The following ZNF675 variants were observed in gnomAD, a reference collection of about 807,000 sequenced individuals.
The protein encoded by ZNF675 is zinc finger protein 675, also known as TRAF6 inhibitory zinc finger.
A neutral mutation model predicts 56.1 loss-of-function variants in ZNF675; 36 were observed. The ratio of observed to expected loss-of-function variants is 0.64; its 90% CI spans 0.49 to 0.85. ZNF675 has a LOEUF of 0.85. ZNF675 is among the 40% of genes least tolerant of loss of function. The pLI is 0.00. For missense variants in ZNF675, 663 were observed against 654.2 expected (o/e 1.01, Z -0.15); for synonymous variants, 200 against 218.9 (o/e 0.91, Z 0.76).
intron 1 of ZNF675, among the ~76,000 whole-genome samples, chr19:23,664,523 T>C (rs1243228473): frequency 6.6e-6 from 1 of 152,198 alleles, no homozygotes; most frequent in Non-Finnish European, 1.5e-5. Context: ...GGACCACACT[T>C]TCCTGTCACT....
At chr19:23,671,874 T>C (rs1304405820) in intron 1 of ZNF675, among the ~76,000 whole-genome samples, 1 of 152,138 alleles carries the variant, frequency 6.6e-6, no homozygotes, top group African/African-American at 2.4e-5. Flanking sequence ...AACTCTCATC[T>C]GAGTACCAAC....
Position 23,687,141 on chromosome 19 carries a change from G to A in ZNF675, c.-108C>T, listed in dbSNP as rs1207321559. On this transcript the variant is annotated 5_prime_UTR_variant, in exon 1 of 4. Transcript: ENST00000359788. ...CTAGGAGCAGAGGACACAGAGCAAT[G>A]AAAGCGAGACCTGGAGCTCCGGCTG... 13 of 1,349,008 alleles carry A rather than the reference G, an allele frequency of 9.6e-6. 1 individual carries two copies. The highest frequency in any genetic ancestry group is 1.4e-5 in the Non-Finnish European group (13 of 953,208). 83.6% of individuals were successfully genotyped at this position (1,349,008 alleles called of 1,614,324 possible). A position where few individuals can be genotyped will look rare whatever the true frequency, so the allele number is the denominator to read the frequency against.
At chr19:23,685,955 G>GGTT (rs566240940) in intron 1 of ZNF675, among the ~76,000 whole-genome samples, 1 of 152,056 alleles carries the variant, frequency 6.6e-6, no homozygotes, top group South Asian at 2.1e-4. Flanking sequence ...ATTAGACGGA[G>GGTT]GTTACTCTAG....
intron 1 of ZNF675, among the ~76,000 whole-genome samples, chr19:23,667,474 T>C (rs1323332079): frequency 3.3e-5 from 5 of 152,176 alleles, no homozygotes; most frequent in Non-Finnish European, 5.9e-5. Context: ...AGGGCGCTGA[T>C]TGGTGCCTTT....
chr19:23,662,975 T>C (rs1307741014), intron 2 of ZNF675, 57 bp downstream of exon 2: 2 of 1,437,288 alleles, frequency 1.4e-6, no homozygotes, highest in Non-Finnish European at 1.8e-6. Flanking sequence ...AGAGCCAGAC[T>C]CCGTCTCAAA....
chr19:23,654,448 T>A lies in ZNF675; in HGVS notation c.485A>T (p.His162Leu). ...TTTATTTTCCATATGTTTTATCTTA[T>A]GTCTATCTGAATGTGAAAATTTATT... ...VFNKFSHSDR[H>L]KIKHMENKPF... The change falls in exon 4 of 4, where the codon CAT becomes CTT. Residue 162 changes from histidine to leucine, a missense_variant. His to Leu is a moderately conservative substitution (Grantham distance 99). This residue lies in a region of ZNF675 where 617 missense variants were observed against 590.5 expected (regional missense o/e 1.04). Transcript: ENST00000359788. 6.2e-7 allele frequency: 1 copy of A among 1,605,832 alleles called. No homozygotes were observed. The highest frequency in any genetic ancestry group is 1.7e-5 in the Admixed American group (1 of 57,862).
rs34823777 is a variant in ZNF675, at chr19:23,675,982, C to CA, written c.3+11048dup. ...AGATTAATGAAAAAAAGAGAAGATC[C>CA]AAAAAAAAAAAAAACACAATTAGTA... On this transcript the variant is annotated intron_variant, in intron 1 of 3. Transcript: ENST00000359788. Among the ~76,000 whole-genome samples, 186 of 134,724 alleles carry CA rather than the reference C, an allele frequency of 1.4e-3. 4 individuals are homozygous for CA. In the South Asian group the frequency reaches 0.022, roughly 16 times the overall value. 88.4% of individuals were successfully genotyped at this position (134,724 alleles called of 152,430 possible). A position where few individuals can be genotyped will look rare whatever the true frequency, so the allele number is the denominator to read the frequency against.
intron 1 of ZNF675, among the ~76,000 whole-genome samples, chr19:23,682,058 C>T (rs1441083815): frequency 6.6e-6 from 1 of 151,742 alleles, no homozygotes; most frequent in Non-Finnish European, 1.5e-5. Context: ...CAGACATAGA[C>T]TCTGCATATT....
At position 23,652,942 on chromosome 19, in the gene ZNF675, TGATATTAAGATGTCAACA is replaced by T; in HGVS notation, c.*266_*283del. The stretch of plus-strand genomic sequence containing the variant: ...ATGCTTTTATTAAGTACCAACATTC[TGATATTAAGATGTCAACA>T]GATATTAATGGCTATTTTACACTCT... On this transcript the variant is annotated 3_prime_UTR_variant, in exon 4 of 4. Coordinates refer to ENST00000359788, the MANE Select transcript of ZNF675 (RefSeq NM_138330.3). 1 of 247,670 alleles carries T rather than the reference TGATATTAAGATGTCAACA, an allele frequency of 4.0e-6. No individual in the cohort carries two copies. Among genetic ancestry groups the T allele is most frequent in the Non-Finnish European group, 7.7e-6 (1 of 129,578 alleles). 15.3% of individuals were successfully genotyped at this position (247,670 alleles called of 1,614,324 possible). A position where few individuals can be genotyped will look rare whatever the true frequency, so the allele number is the denominator to read the frequency against.
intron 1 of ZNF675, chr19:23,686,068 C>T (rs1361668259): frequency 6.6e-6 from 1 of 152,136 alleles, no homozygotes; most frequent in Non-Finnish European, 1.5e-5. Flanking sequence ...TCATAAACTG[C>T]CAATTAACCT....
intron 3 of ZNF675, among the ~76,000 whole-genome samples, chr19:23,660,309 A>G (rs1968058903): frequency 6.6e-6 from 1 of 152,214 alleles, no homozygotes; most frequent in South Asian, 2.1e-4. Context: ...TTCTGTACAC[A>G]GATGCCAATG....
intron 1 of ZNF675, among the ~76,000 whole-genome samples, chr19:23,673,839 T>A (rs1392284249): frequency 6.7e-6 from 1 of 148,602 alleles, no homozygotes; most frequent in African/African-American, 2.6e-5. Context: ...AAAGTATAAT[T>A]TAAAAAATAA....
intron 3 of ZNF675, among the ~76,000 whole-genome samples, chr19:23,660,649 C>T (rs1329694943): frequency 6.6e-6 from 1 of 151,934 alleles, no homozygotes; most frequent in Admixed American, 6.6e-5. Flanking sequence ...CAAGGAGGTA[C>T]AAAATCTTTA....
intron 1 of ZNF675, among the ~76,000 whole-genome samples, chr19:23,668,263 A>G (rs1172665478): frequency 1.3e-5 from 2 of 151,274 alleles, no homozygotes; most frequent in Non-Finnish European, 3.0e-5. Flanking sequence ...AGCTAGATAC[A>G]GAGTGTCGAT....
At chr19:23,678,860 T>G (rs35169287) in intron 1 of ZNF675, among the ~76,000 whole-genome samples, 54,116 of 151,362 alleles carry the variant, frequency 0.36, 10,686 homozygotes, top group East Asian at 0.65. Context: ...TTATTTAAAT[T>G]TTTAATGTAA....
At chr19:23,666,290 C>T (rs1399463847) in intron 1 of ZNF675, among the ~76,000 whole-genome samples, 4 of 152,238 alleles carry the variant, frequency 2.6e-5, no homozygotes, top group Admixed American at 1.3e-4. Flanking sequence ...TTTGTAACTT[C>T]ACCTTAGCCT....
Position 23,654,571 on chromosome 19 carries a change from T to A in ZNF675, c.362A>T (p.Glu121Val). ...FQLKGCKSVD[E>V]CKLHKGGYNG... is the part of the protein sequence containing the mutation. ...ATAACCTCCCTTGTGCAACTTACAT[T>A]CATCCACACTTTTACAGCCTTTTAA... The change falls in exon 4 of 4, where the codon GAA becomes GTA. Residue 121 changes from glutamate to valine, a missense_variant. By Grantham distance (121) the Glu-to-Val change is moderately radical (BLOSUM62 -2). Coordinates refer to ENST00000359788, the MANE Select transcript of ZNF675 (RefSeq NM_138330.3). 1 of 1,612,450 alleles carries A rather than the reference T, an allele frequency of 6.2e-7. No homozygotes were observed. Among genetic ancestry groups the A allele is most frequent in the Non-Finnish European group, 8.5e-7 (1 of 1,179,218 alleles).
At chr19:23,661,871 G>A (rs73566864) in intron 3 of ZNF675, 202 of 379,092 alleles carry the variant, frequency 5.3e-4, no homozygotes, top group African/African-American at 3.4e-3. Context: ...GCCATGAAGC[G>A]GACACTGGTT....
chr19:23,656,694 A>G (rs1335071549), intron 3 of ZNF675: 15 of 152,014 alleles, frequency 9.9e-5, no homozygotes, highest in Admixed American at 9.9e-4. Context: ...TCAACATTTT[A>G]AGATAAACTT....
Sources: allele counts gnomAD v4.1 joint callset (sites outside exome capture counted in the v4.1 genomes callset), GRCh38; gene constraint gnomAD v4.1.1; regional missense constraint gnomAD v4.1.1; transcripts MANE v1.5; gene names NCBI Gene and HGNC (gene_info 2026-07-23, HGNC 2026-07-21).